The following GPAM variants were observed in gnomAD, a reference collection of about 807,000 sequenced individuals.
GPAM encodes glycerol-3-phosphate acyltransferase, mitochondrial.
A neutral mutation model predicts 105.0 loss-of-function variants in GPAM; 56 were observed. The ratio of observed to expected loss-of-function variants is 0.53; its 90% CI spans 0.43 to 0.67. The LOEUF (loss-of-function observed/expected upper bound fraction) is 0.67. GPAM is among the 30% of genes least tolerant of loss of function. The probability of loss-of-function intolerance (pLI) is 0.00; values close to 1 mark genes in which losing one functional copy is unlikely to be tolerated. For missense variants in GPAM, 855 were observed against 989.8 expected, an observed-to-expected ratio of 0.86 and a Z score of 1.83; for synonymous variants, 368 against 354.4, an observed-to-expected ratio of 1.04 and a Z score of -0.43.
chr10:112,202,655 A>G (rs1458220256), intron 1 of GPAM, among the ~76,000 whole-genome samples: 1 of 152,188 alleles, frequency 6.6e-6, no homozygotes, highest in Non-Finnish European at 1.5e-5. Flanking sequence ...GACACCATAA[A>G]ATACCTACAT....
chr10:112,176,906 T>C (rs1847415659), intron 5 of GPAM, among the ~76,000 whole-genome samples: 1 of 152,210 alleles, frequency 6.6e-6, no homozygotes, highest in African/African-American at 2.4e-5. Context: ...TGCCTCGTCA[T>C]CATAGCAAAT....
chr10:112,173,637 A>C, intron 7 of GPAM, 62 bp downstream of exon 7: 1 of 1,469,644 alleles, frequency 6.8e-7, no homozygotes, highest in Non-Finnish European at 9.5e-7. Context: ...TCAATAATTC[A>C]GTCTTATTTG....
intron 12 of GPAM, among the ~76,000 whole-genome samples, chr10:112,165,916 C>T (rs961410654): frequency 6.6e-6 from 1 of 151,854 alleles, no homozygotes; most frequent in African/African-American, 2.4e-5. Context: ...TTTTGGGGTA[C>T]ATGTGATATT....
chr10:112,212,785 C>G (rs1408684192), intron 1 of GPAM, among the ~76,000 whole-genome samples: 1 of 152,210 alleles, frequency 6.6e-6, no homozygotes, highest in East Asian at 1.9e-4. Flanking sequence ...AATCCCTCTA[C>G]CTCATAAGGA....
Position 112,152,294 on chromosome 10 carries a change from A to G in GPAM, c.*1256T>C. 2 of 984,054 alleles carry G rather than the reference A, an allele frequency of 2.0e-6. No individual in the cohort carries two copies. The highest frequency in any genetic ancestry group is 1.2e-6 in the Non-Finnish European group (1 of 828,676). 61.0% of individuals were successfully genotyped at this position (984,054 alleles called of 1,614,324 possible). A position where few individuals can be genotyped will look rare whatever the true frequency, so the allele number is the denominator to read the frequency against. Reference sequence around the variant, plus strand: ...CCATAATTACCATAATAAACCAATAATTATGCTCCCTGCTCACAAAAGGCA... The same window carrying G: ...CCATAATTACCATAATAAACCAATAGTTATGCTCCCTGCTCACAAAAGGCA... On this transcript the variant is annotated 3_prime_UTR_variant, in exon 22 of 22. Coordinates refer to ENST00000348367, the MANE Select transcript of GPAM (RefSeq NM_001244949.2).
rs770421002 is a variant in GPAM, at chr10:112,160,004, A to G, written c.1809T>C (p.Thr603=). ...GGCTGATCAGGTTAGGTGGGGTGCT[A>G]GTGGGACCCCCCAGTCCCCTCTTGT... The part of the protein sequence containing the change: ...VLNKRGLGGP[T]STPPNLISQE... The change falls in exon 17 of 22, where the codon ACT becomes ACC. Residue 603 remains threonine, a synonymous_variant. Transcript: ENST00000348367. 8 of 1,613,010 alleles carry G rather than the reference A, an allele frequency of 5.0e-6. No homozygotes were observed. The Admixed American group carries it at 1.2e-4, about 24-fold the overall frequency.
intron 1 of GPAM, among the ~76,000 whole-genome samples, chr10:112,211,614 T>A (rs1036196380): frequency 1.3e-5 from 2 of 152,156 alleles, no homozygotes; most frequent in African/African-American, 4.8e-5. Flanking sequence ...ATGTCGGTCA[T>A]CCCCATTCAA....
chr10:112,167,060 G>A lies in GPAM; in HGVS notation c.1108-545C>T, dbSNP rs1045059824. Among the ~76,000 whole-genome samples, 3 of 152,100 alleles carry A rather than the reference G, an allele frequency of 2.0e-5. No individual in the cohort carries two copies. The South Asian group carries it at 6.2e-4, about 32-fold the overall frequency. ...CGGACACAGACTCAGATATGAACTC[G>A]TGAGACACAGTCAGGATGAGTAGGG... On this transcript the variant is annotated intron_variant, in intron 11 of 21. Coordinates refer to ENST00000348367, the MANE Select transcript of GPAM (RefSeq NM_001244949.2).
intron 1 of GPAM, among the ~76,000 whole-genome samples, chr10:112,208,108 A>C (rs1016885505): frequency 2.6e-5 from 4 of 152,198 alleles, no homozygotes; most frequent in Admixed American, 2.6e-4. Context: ...AACCACATGC[A>C]TCAGGGGACT....
At chr10:112,157,054 T>C (rs1847030186) in intron 19 of GPAM, 195 bp downstream of exon 19, 1 of 630,508 alleles carries the variant, frequency 1.6e-6, no homozygotes, top group Middle Eastern at 3.9e-4. Context: ...CTTTTCAGAC[T>C]CTCCTTTCCT....
intron 12 of GPAM, among the ~76,000 whole-genome samples, chr10:112,164,975 T>G (rs1847188108): frequency 6.6e-6 from 1 of 151,934 alleles, no homozygotes. Context: ...AACCCAAGGG[T>G]CACATTATTT....
At chr10:112,164,159 AAATTCAATTTG>A (rs943560081) in intron 13 of GPAM, among the ~76,000 whole-genome samples, 4 of 152,228 alleles carry the variant, frequency 2.6e-5, no homozygotes, top group African/African-American at 7.2e-5. Context: ...CTCTAAGTTA[AAATTCAATTTG>A]AATTCAATTT....
In GPAM at chr10:112,168,539, G is replaced by T. The variant is rs1416728219; in HGVS notation, c.895-15C>A. On this transcript the variant is annotated splice_polypyrimidine_tract_variant and intron_variant, in intron 10 of 21. Transcript: ENST00000348367. ...TCAACTATATGCTGGGATATAAGAA[G>T]AAAGTAAAACATACATTCAAGACCA... 1 of 1,529,374 alleles carries T rather than the reference G, an allele frequency of 6.5e-7. No individual in the cohort carries two copies. The highest frequency in any genetic ancestry group is 9.1e-7 in the Non-Finnish European group (1 of 1,102,676). 94.7% of individuals were successfully genotyped at this position (1,529,374 alleles called of 1,614,324 possible). A position where few individuals can be genotyped will look rare whatever the true frequency, so the allele number is the denominator to read the frequency against.
Position 112,155,816 on chromosome 10 carries a change from CAAAAAA to C in GPAM, c.2311+42_2311+47del, listed in dbSNP as rs5787948. 250 of 1,049,252 alleles carry C rather than the reference CAAAAAA, an allele frequency of 2.4e-4. 2 individuals are homozygous for C. In the African/African-American group the frequency reaches 3.9e-3, roughly 16 times the overall value. The allele number at this position is 1,049,252 out of a possible 1,614,324, so 65.0% of individuals were successfully genotyped here. A position where few individuals can be genotyped will look rare whatever the true frequency, so the allele number is the denominator to read the frequency against. ...CTACAATTAGCAAATTTCTGAAATC[CAAAAAA>C]AAAAAAAAGATTTTAAAAGAATAAA... On this transcript the variant is annotated intron_variant, in intron 20 of 21. Coordinates refer to ENST00000348367, the MANE Select transcript of GPAM (RefSeq NM_001244949.2).
intron 12 of GPAM, 59 bp downstream of exon 12, chr10:112,166,343 T>G: frequency 1.1e-6 from 1 of 902,416 alleles, no homozygotes; most frequent in Non-Finnish European, 1.9e-6. Context: ...GAGTCAGCAC[T>G]GGAGCCTCCT....
At chr10:112,213,550 G>A (rs1847935958) in intron 1 of GPAM, among the ~76,000 whole-genome samples, 1 of 152,186 alleles carries the variant, frequency 6.6e-6, no homozygotes, top group African/African-American at 2.4e-5. Flanking sequence ...TGTCAGTCTG[G>A]TGGGGGCAAT....
Position 112,151,410 on chromosome 10 carries a change from A to G in GPAM, c.*2140T>C, listed in dbSNP as rs912283835. ...CAAAGGTCAGCTTGTCTGGATGAGC[A>G]TAACTTTGGTTGAGATTTTTCTCCC... On this transcript the variant is annotated 3_prime_UTR_variant, in exon 22 of 22. Transcript: ENST00000348367. 3.0e-6 allele frequency: 3 copies of G among 985,820 alleles called. No homozygotes were observed. Among genetic ancestry groups the G allele is most frequent in the South Asian group, 4.7e-5 (1 of 21,288 alleles). 61.1% of individuals were successfully genotyped at this position (985,820 alleles called of 1,614,324 possible). A position where few individuals can be genotyped will look rare whatever the true frequency, so the allele number is the denominator to read the frequency against.
Position 112,203,071 on chromosome 10 carries a change from G to A in GPAM, n.210+12097C>T, listed in dbSNP as rs113657534. ...AAGCAATGGGTTAGTGTGAGCTGGA[G>A]TGTAGAGGACAGGCCTCCTCTCAGC... On this transcript the variant is annotated intron_variant and non_coding_transcript_variant, in intron 1 of 3. Coordinates refer to the GPAM transcript ENST00000480130. Among the ~76,000 whole-genome samples the A allele has an allele frequency of 3.3e-5, 5 of 152,292 alleles. No individual in the cohort carries two copies. The East Asian group carries it at 9.7e-4, about 29-fold the overall frequency.
upstream of GPAM, among the ~76,000 whole-genome samples, chr10:112,216,514 A>T (rs1847970368): frequency 6.6e-6 from 1 of 152,236 alleles, no homozygotes; most frequent in Admixed American, 6.5e-5. Flanking sequence ...TCAGAGGGAC[A>T]AGTACAGTCA....
Sources: allele counts gnomAD v4.1 joint callset (sites outside exome capture counted in the v4.1 genomes callset), GRCh38; gene constraint gnomAD v4.1.1; transcripts MANE v1.5; gene names NCBI Gene and HGNC (gene_info 2026-07-23, HGNC 2026-07-21).